The following SYCP2L variants were observed in gnomAD, a reference collection of about 807,000 sequenced individuals.
SYCP2L encodes synaptonemal complex protein 2 like.
Under a neutral mutation model 125.8 loss-of-function variants are expected in SYCP2L, and 98 were observed. That is an observed-to-expected ratio of 0.78 (90% confidence interval 0.66 to 0.92). The LOEUF (loss-of-function observed/expected upper bound fraction) is 0.92, where lower values mean the gene tolerates loss of function less well. Among genes scored for constraint, SYCP2L ranks in the 40% least tolerant of loss-of-function variants. The probability of loss-of-function intolerance (pLI) is 0.00; values close to 1 mark genes in which losing one functional copy is unlikely to be tolerated. For missense variants in SYCP2L, 842 were observed against 936.4 expected (o/e 0.90, Z 1.32); for synonymous variants, 317 against 325.4 (o/e 0.97, Z 0.28).
At chr6:10,901,796 A>C (rs1301350647) in intron 6 of SYCP2L, among the ~76,000 whole-genome samples, 1 of 152,280 alleles carries the variant, frequency 6.6e-6, no homozygotes, top group African/African-American at 2.4e-5. Flanking sequence ...GATAAAGACA[A>C]CTTACTGGCT....
chr6:10,946,788 C>T (rs1781321055), intron 23 of SYCP2L, among the ~76,000 whole-genome samples: 1 of 151,748 alleles, frequency 6.6e-6, no homozygotes, highest in African/African-American at 2.4e-5. Flanking sequence ...TAATGTTCCA[C>T]TTATTAAAAT....
chr6:10,955,583 A>C (rs1381003043), intron 24 of SYCP2L, among the ~76,000 whole-genome samples: 2 of 152,210 alleles, frequency 1.3e-5, no homozygotes, highest in Non-Finnish European at 2.9e-5. Flanking sequence ...TGCATGTTTG[A>C]GGCTGGCCTT....
intron 14 of SYCP2L, among the ~76,000 whole-genome samples, chr6:10,915,791 A>T (rs1780683357): frequency 1.3e-5 from 2 of 151,954 alleles, no homozygotes; most frequent in African/African-American, 4.8e-5. Flanking sequence ...CTTTTTTGGT[A>T]ATGTCCCTTC....
At position 10,924,553 on chromosome 6, in the gene SYCP2L, A is replaced by T; in HGVS notation, c.1130A>T (p.Tyr377Phe). The T allele has an allele frequency of 6.2e-7, 1 of 1,604,682 alleles. No homozygotes were observed. The highest frequency in any genetic ancestry group is 2.2e-5 in the East Asian group (1 of 44,466). Residue 377 changes from tyrosine to phenylalanine, a missense_variant, in exon 15 of 30, where the codon TAC becomes TTC. Tyr to Phe is a conservative substitution (Grantham distance 22). Transcript: ENST00000283141. ...CTGAAGAAGCCCATGATTATCAGCT[A>T]CAAAGAAGTCATGAAAATAGAAATC... ...IYLKKPMIIS[Y>F]KEVMKIEIHF...
intron 29 of SYCP2L, among the ~76,000 whole-genome samples, chr6:10,964,742 GACA>G (rs1032220150): frequency 8.5e-5 from 13 of 152,142 alleles, no homozygotes; most frequent in Non-Finnish European, 1.6e-4. Flanking sequence ...ACAAAACAAT[GACA>G]ACAAGTGCTT....
intron 23 of SYCP2L, among the ~76,000 whole-genome samples, chr6:10,945,394 A>C (rs77385016): frequency 0.027 from 4,131 of 152,052 alleles, 153 homozygotes; most frequent in East Asian, 0.2. Flanking sequence ...TGTATTAAAA[A>C]CTTTCGCTAT....
chr6:10,916,637 C>G (rs1183811913), intron 14 of SYCP2L, among the ~76,000 whole-genome samples: 2 of 152,154 alleles, frequency 1.3e-5, no homozygotes, highest in Non-Finnish European at 2.9e-5. Context: ...TTGAAGGTTC[C>G]TTTTGGAGTT....
At chr6:10,955,006 A>C in intron 23 of SYCP2L, 110 bp from the exon 24 acceptor site, 1 of 737,384 alleles carries the variant, frequency 1.4e-6, no homozygotes, top group Middle Eastern at 3.0e-4. Flanking sequence ...CTCATTAGCA[A>C]CAGGCAGGGG....
chr6:10,913,371 G>A (rs1212514229), intron 14 of SYCP2L, among the ~76,000 whole-genome samples: 1 of 152,174 alleles, frequency 6.6e-6, no homozygotes, highest in Non-Finnish European at 1.5e-5. Context: ...AAATGAAGGT[G>A]CCTGCCCCCT....
chr6:10,966,258 G>A (rs1436855960), intron 29 of SYCP2L, among the ~76,000 whole-genome samples: 1 of 152,062 alleles, frequency 6.6e-6, no homozygotes, highest in African/African-American at 2.4e-5. Context: ...TCGATATTAG[G>A]GAATCTACTA....
At chr6:10,926,709 C>T (rs12213249) in intron 16 of SYCP2L, among the ~76,000 whole-genome samples, 30,200 of 151,868 alleles carry the variant, frequency 0.2, 3,615 homozygotes, top group Middle Eastern at 0.33. Flanking sequence ...AAAGTCGGCC[C>T]TGCACTAGAC....
At position 10,911,786 on chromosome 6, in the gene SYCP2L, G is replaced by C. The variant is rs148319669; in HGVS notation, c.919-887G>C. 1.8e-4 allele frequency among the ~76,000 whole-genome samples: 28 copies of C among 151,766 alleles called. No homozygotes were observed. The East Asian group carries it at 5.4e-3, about 29-fold the overall frequency. On this transcript the variant is annotated intron_variant, in intron 12 of 29. Transcript: ENST00000283141. ...CATTCACCTCTGTAGCTATTAAAAGGTAGACATGTATGATACAAAGGAAAG... is the reference window on the plus strand; with the variant it reads ...CATTCACCTCTGTAGCTATTAAAAGCTAGACATGTATGATACAAAGGAAAG...
chr6:10,910,267 A>T, intron 11 of SYCP2L, 67 bp downstream of exon 11: 4 of 1,427,314 alleles, frequency 2.8e-6, no homozygotes, highest in Non-Finnish European at 3.9e-6. Flanking sequence ...TTAAAAGAAC[A>T]GTTTAGGGTC....
intron 16 of SYCP2L, among the ~76,000 whole-genome samples, chr6:10,926,934 C>T (rs1343492198): frequency 6.6e-6 from 1 of 152,122 alleles, no homozygotes; most frequent in African/African-American, 2.4e-5. Context: ...TGTGTGCCAC[C>T]ATGCCCAGCT....
chr6:10,948,272 A>G (rs758662466), intron 23 of SYCP2L, among the ~76,000 whole-genome samples: 52 of 152,118 alleles, frequency 3.4e-4, no homozygotes, highest in Admixed American at 2.6e-4. Flanking sequence ...GTCACCATTC[A>G]TATCTCAGGT....
chr6:10,943,162 A>C (rs1781253178), intron 23 of SYCP2L, among the ~76,000 whole-genome samples: 1 of 152,176 alleles, frequency 6.6e-6, no homozygotes, highest in African/African-American at 2.4e-5. Context: ...AAAACTTCTG[A>C]GTTCATTTAC....
rs147520119 is a variant in SYCP2L, at chr6:10,972,721, C to G, written c.*38-1231C>G. Among the ~76,000 whole-genome samples, 968 of 152,194 alleles carry G rather than the reference C, an allele frequency of 6.4e-3. 15 individuals carry two copies. The highest frequency in any genetic ancestry group is 0.022 in the African/African-American group (917 of 41,508). Reference sequence around the variant, plus strand: ...TTATTTAGTCTATTTTGAGATGAGGCCTTGCTGTGTTGCCCAGGCTGGTCT... The same window carrying G: ...TTATTTAGTCTATTTTGAGATGAGGGCTTGCTGTGTTGCCCAGGCTGGTCT... On this transcript the variant is annotated intron_variant, in intron 29 of 29. Coordinates refer to ENST00000283141, the MANE Select transcript of SYCP2L (RefSeq NM_001040274.3).
chr6:10,928,733 T>TCG (rs1192319254), intron 18 of SYCP2L, among the ~76,000 whole-genome samples: 2 of 152,102 alleles, frequency 1.3e-5, no homozygotes. Context: ...AGATGGAGTC[T>TCG]CGCTCCATTC....
chr6:10,893,726 A>T (rs907653606), intron 2 of SYCP2L, 141 bp from the exon 3 acceptor site: 1 of 986,710 alleles, frequency 1.0e-6, no homozygotes, highest in South Asian at 1.6e-5. Flanking sequence ...ATTGTTTACT[A>T]TTCAAGATAG....
Sources: allele counts gnomAD v4.1 joint callset (sites outside exome capture counted in the v4.1 genomes callset), GRCh38; gene constraint gnomAD v4.1.1; transcripts MANE v1.5; gene names NCBI Gene and HGNC (gene_info 2026-07-23, HGNC 2026-07-21).